The following GYPC variants were observed in gnomAD, a reference collection of about 807,000 sequenced individuals.
The protein encoded by GYPC is glycophorin-C.
GYPC carries 14 observed loss-of-function variants against 12.6 expected under a neutral mutation model. That is an observed-to-expected ratio of 1.11 (90% CI 0.74 to 1.74). GYPC has a LOEUF of 1.74. Ranked by LOEUF, GYPC falls within the 40% of genes most tolerant of loss-of-function variation. The pLI is 0.00. For synonymous variants in GYPC, 78 were observed against 62.1 expected, an observed-to-expected ratio of 1.26 and a Z score of -1.20; for missense variants, 225 against 172.1, an observed-to-expected ratio of 1.31 and a Z score of -1.72.
intron 1 of GYPC, chr2:126,686,793 G>C (rs1683304092): frequency 2.6e-6 from 2 of 779,948 alleles, no homozygotes; most frequent in East Asian, 2.5e-4. Context: ...TCTGATACCA[G>C]ACCCAAGCTT....
At chr2:126,686,666 G>A (rs573325256) in intron 1 of GYPC, 140 of 982,636 alleles carry the variant, frequency 1.4e-4, no homozygotes, top group South Asian at 3.3e-4. Flanking sequence ...GCAGGGGGCC[G>A]GGGGGACCTT....
At chr2:126,666,749 A>ACACC (rs1682692075) in intron 1 of GYPC, among the ~76,000 whole-genome samples, 1 of 116,922 alleles carries the variant, frequency 8.6e-6, no homozygotes, top group Non-Finnish European at 1.8e-5. Flanking sequence ...ACACACACAC[A>ACACC]CACACACATA....
At chr2:126,692,171 G>A (rs1683490153) in intron 2 of GYPC, among the ~76,000 whole-genome samples, 1 of 152,140 alleles carries the variant, frequency 6.6e-6, no homozygotes, top group Admixed American at 6.6e-5. Context: ...CACCGTGAAT[G>A]CTGGATCCTA....
intron 2 of GYPC, 110 bp from the exon 3 acceptor site, chr2:126,693,754 C>A: frequency 1.3e-6 from 1 of 796,934 alleles, no homozygotes. Flanking sequence ...CCACTTGGAC[C>A]CATTCTCAGA....
At chr2:126,690,641 A>T (rs1022798378) in intron 2 of GYPC, among the ~76,000 whole-genome samples, 3 of 152,074 alleles carry the variant, frequency 2.0e-5, no homozygotes, top group Admixed American at 6.6e-5. Flanking sequence ...TTGGTGAGGG[A>T]GGTTGAGGGT....
At chr2:126,689,368 G>A (rs981809755) in intron 1 of GYPC, among the ~76,000 whole-genome samples, 2 of 152,164 alleles carry the variant, frequency 1.3e-5, no homozygotes, top group East Asian at 1.9e-4. Context: ...CACCTCATAG[G>A]ATGGATGTGA....
chr2:126,678,048 C>CG (rs967383457), intron 1 of GYPC, among the ~76,000 whole-genome samples: 5 of 152,116 alleles, frequency 3.3e-5, no homozygotes, highest in African/African-American at 4.8e-5. Flanking sequence ...GGTGAAACCC[C>CG]TTCTCTACTA....
At chr2:126,686,870 C>T (rs915524130) in intron 1 of GYPC, among the ~76,000 whole-genome samples, 16 of 152,108 alleles carry the variant, frequency 1.1e-4, no homozygotes, top group African/African-American at 3.9e-4. Context: ...CACCCCCATC[C>T]TAGTTGCTGA....
chr2:126,667,182 G>A (rs1342255553), intron 1 of GYPC, among the ~76,000 whole-genome samples: 4 of 152,160 alleles, frequency 2.6e-5, no homozygotes, highest in South Asian at 2.1e-4. Context: ...TTAGAGATAC[G>A]TGGATTTAGA....
At chr2:126,689,820 A>C (rs183929068) in intron 1 of GYPC, among the ~76,000 whole-genome samples, 2 of 152,336 alleles carry the variant, frequency 1.3e-5, no homozygotes, top group East Asian at 1.9e-4. Flanking sequence ...TTCTTTACAA[A>C]TTACCCAAGT....
intron 2 of GYPC, among the ~76,000 whole-genome samples, chr2:126,692,995 G>A (rs1469393157): frequency 5.3e-5 from 8 of 152,188 alleles, no homozygotes; most frequent in Non-Finnish European, 1.2e-4. Context: ...TGTGAAGACT[G>A]CATGATAGAG....
intron 1 of GYPC, among the ~76,000 whole-genome samples, chr2:126,668,457 A>G (rs1682746869): frequency 6.6e-6 from 1 of 152,286 alleles, no homozygotes; most frequent in African/African-American, 2.4e-5. Flanking sequence ...TGGATCTCAG[A>G]TGATCCCTCC....
chr2:126,681,980 G>T (rs1006608578), intron 1 of GYPC, among the ~76,000 whole-genome samples: 1 of 152,204 alleles, frequency 6.6e-6, no homozygotes, highest in Non-Finnish European at 1.5e-5. Context: ...GACCCCAGGA[G>T]CATGGTGCGC....
intron 1 of GYPC, among the ~76,000 whole-genome samples, chr2:126,677,941 G>A (rs1337841001): frequency 2.6e-5 from 4 of 152,230 alleles, no homozygotes; most frequent in Non-Finnish European, 5.9e-5. Context: ...TCCCCCATCG[G>A]CCGGGTGCAG....
chr2:126,659,297 CCA>C (rs1682462811), intron 1 of GYPC, among the ~76,000 whole-genome samples: 2 of 152,202 alleles, frequency 1.3e-5, no homozygotes, highest in African/African-American at 4.8e-5. Context: ...TGTCAGCACC[CCA>C]CCCCCGTGAG....
intron 1 of GYPC, among the ~76,000 whole-genome samples, chr2:126,672,616 C>T (rs574526938): frequency 3.3e-5 from 5 of 152,274 alleles, no homozygotes; most frequent in South Asian, 4.1e-4. Context: ...ACCCCTCAAC[C>T]GCAGCTCTGG....
intron 1 of GYPC, among the ~76,000 whole-genome samples, chr2:126,674,806 C>A (rs889459528): frequency 6.6e-6 from 1 of 152,226 alleles, no homozygotes. Flanking sequence ...CACACACACA[C>A]ACCCTGTTTG....
At chr2:126,661,567 C>T (rs561303326) in intron 1 of GYPC, among the ~76,000 whole-genome samples, 13 of 152,188 alleles carry the variant, frequency 8.5e-5, no homozygotes, top group African/African-American at 3.1e-4. Context: ...ATTCTCCTGC[C>T]TCAGCCTGCC....
chr2:126,692,294 G>A (rs1683494305), intron 2 of GYPC, among the ~76,000 whole-genome samples: 1 of 152,020 alleles, frequency 6.6e-6, no homozygotes, highest in African/African-American at 2.4e-5. Context: ...AAGCTCCTTG[G>A]TGGCCCCAGA....
Sources: allele counts gnomAD v4.1 joint callset (sites outside exome capture counted in the v4.1 genomes callset), GRCh38; gene constraint gnomAD v4.1.1; transcripts MANE v1.5; gene names NCBI Gene and HGNC (gene_info 2026-07-23, HGNC 2026-07-21).